LRP1B: variants seen among roughly 807,000 people sequenced by gnomAD.
LRP1B encodes LDL receptor related protein 1B.
In LRP1B, 217 loss-of-function variants were observed where a neutral mutation model predicts 556.6. The ratio of observed to expected loss-of-function variants is 0.39; its 90% CI spans 0.35 to 0.44. The LOEUF (loss-of-function observed/expected upper bound fraction) is 0.44. Ranked by LOEUF, LRP1B falls within the 20% of genes least tolerant of loss-of-function variation. The probability of loss-of-function intolerance (pLI) is 1.00; values close to 1 mark genes in which losing one functional copy is unlikely to be tolerated. For missense variants in LRP1B, 5,053 were observed against 5,620.8 expected, an observed-to-expected ratio of 0.90 and a Z score of 3.23; for synonymous variants, 2,047 against 1,865.8, an observed-to-expected ratio of 1.10 and a Z score of -2.50.
At chr2:142,108,808 T>G (rs1324266192) in intron 1 of LRP1B, among the ~76,000 whole-genome samples, 1 of 152,200 alleles carries the variant, frequency 6.6e-6, no homozygotes, top group East Asian at 1.9e-4. Flanking sequence ...GATTATCTTA[T>G]ATAAGACACA....
At chr2:142,015,079 T>C (rs1269373641) in intron 1 of LRP1B, among the ~76,000 whole-genome samples, 3 of 152,166 alleles carry the variant, frequency 2.0e-5, no homozygotes, top group Admixed American at 6.5e-5. Flanking sequence ...TTCCTTATGG[T>C]AAAATGAAAA....
chr2:140,607,208 T>G (rs963563542), intron 41 of LRP1B, among the ~76,000 whole-genome samples: 1 of 152,084 alleles, frequency 6.6e-6, no homozygotes, highest in Admixed American at 6.6e-5. Flanking sequence ...CTATTAGACA[T>G]CAAAGTACTG....
At chr2:141,189,944 G>GAAAGA (rs1383583949) in intron 6 of LRP1B, among the ~76,000 whole-genome samples, 6 of 151,904 alleles carry the variant, frequency 3.9e-5, no homozygotes, top group African/African-American at 1.5e-4. Flanking sequence ...AAGAAAGAAA[G>GAAAGA]AAAGAAAAGG....
At chr2:140,307,783 T>G (rs1051744861) in intron 83 of LRP1B, among the ~76,000 whole-genome samples, 4 of 151,736 alleles carry the variant, frequency 2.6e-5, no homozygotes, top group African/African-American at 9.7e-5. Context: ...TAATAAGTAA[T>G]GTATTAGAGC....
At position 140,684,870 on chromosome 2, in the gene LRP1B, A is replaced by G. The variant is rs528041602; in HGVS notation, c.6799+15380T>C. Among the ~76,000 whole-genome samples the G allele has an allele frequency of 2.6e-5, 4 of 152,274 alleles. No individual in the cohort carries two copies. The South Asian group carries it at 8.3e-4, about 32-fold the overall frequency. On this transcript the variant is annotated intron_variant, in intron 41 of 90. Coordinates refer to ENST00000389484, the MANE Select transcript of LRP1B (RefSeq NM_018557.3). ...GACAGAGAAGTGTTTGGATCTTTGG[A>G]AAATCAAATGCTTCTAACAATAGGA...
intron 59 of LRP1B, among the ~76,000 whole-genome samples, chr2:140,482,407 A>G (rs1372696284): frequency 6.6e-6 from 1 of 152,198 alleles, no homozygotes; most frequent in East Asian, 1.9e-4. Context: ...GAGTTTTAAC[A>G]TATTTACATT....
chr2:141,075,925 ATTTTGATG>A (rs933576695), intron 7 of LRP1B, among the ~76,000 whole-genome samples: 8 of 152,204 alleles, frequency 5.3e-5, no homozygotes, highest in African/African-American at 1.9e-4. Flanking sequence ...TACACATCTC[ATTTTGATG>A]TTGGAACACA....
intron 17 of LRP1B, among the ~76,000 whole-genome samples, chr2:140,989,300 T>C (rs72991755): frequency 0.078 from 11,878 of 152,056 alleles, 681 homozygotes; most frequent in African/African-American, 0.15. Context: ...AGTCAACCCA[T>C]ATGGATAGAT....
intron 15 of LRP1B, among the ~76,000 whole-genome samples, chr2:140,995,467 TAAC>T (rs1265205405): frequency 2.6e-5 from 4 of 152,052 alleles, no homozygotes; most frequent in Admixed American, 2.6e-4. Flanking sequence ...ACAACAACAT[TAAC>T]AACAATAACA....
intron 1 of LRP1B, among the ~76,000 whole-genome samples, chr2:141,881,845 AT>A (rs1698967986): frequency 6.6e-6 from 1 of 152,130 alleles, no homozygotes; most frequent in Non-Finnish European, 1.5e-5. Context: ...AAGAATGTCA[AT>A]ATTGAATATC....
At chr2:141,579,583 G>A (rs1260962313) in intron 2 of LRP1B, among the ~76,000 whole-genome samples, 4 of 151,994 alleles carry the variant, frequency 2.6e-5, no homozygotes, top group African/African-American at 9.7e-5. Context: ...TGGAAGGTGA[G>A]CAGAATAGAC....
intron 3 of LRP1B, among the ~76,000 whole-genome samples, chr2:141,445,406 T>C (rs921269378): frequency 2.0e-5 from 3 of 152,242 alleles, no homozygotes; most frequent in Non-Finnish European, 4.4e-5. Flanking sequence ...GAAGGGTTTT[T>C]TGTGTCTCTA....
chr2:141,268,661 G>A (rs534369834), intron 3 of LRP1B, among the ~76,000 whole-genome samples: 1 of 152,128 alleles, frequency 6.6e-6, no homozygotes, highest in East Asian at 1.9e-4. Context: ...GAATGCGGTG[G>A]GAACATAAAC....
chr2:140,484,651 C>A (rs138378680), intron 59 of LRP1B, among the ~76,000 whole-genome samples: 5 of 152,214 alleles, frequency 3.3e-5, no homozygotes, highest in African/African-American at 1.2e-4. Context: ...CTCTACTGAG[C>A]AAAACAACAT....
At chr2:141,090,789 T>G (rs1321549844) in intron 7 of LRP1B, among the ~76,000 whole-genome samples, 1 of 152,160 alleles carries the variant, frequency 6.6e-6, no homozygotes, top group Admixed American at 6.5e-5. Context: ...TTCATTCAGT[T>G]TTTATTAGTA....
chr2:141,307,145 C>CT (rs372612488), intron 3 of LRP1B, among the ~76,000 whole-genome samples: 1,530 of 148,216 alleles, frequency 0.01, 21 homozygotes, highest in East Asian at 0.04. Flanking sequence ...AGTTTAAATC[C>CT]TTTTTTTTTT....
At chr2:141,967,544 G>T (rs950030319) in intron 1 of LRP1B, among the ~76,000 whole-genome samples, 3 of 151,758 alleles carry the variant, frequency 2.0e-5, no homozygotes, top group Admixed American at 6.6e-5. Context: ...TATACACACA[G>T]ATATTTCCAT....
At chr2:141,160,319 TG>T (rs546711814) in intron 7 of LRP1B, among the ~76,000 whole-genome samples, 76 of 152,284 alleles carry the variant, frequency 5.0e-4, no homozygotes, top group Admixed American at 2.5e-3. Flanking sequence ...CTGGTGAAAC[TG>T]TACAGCCTCA....
intron 1 of LRP1B, among the ~76,000 whole-genome samples, chr2:141,982,590 A>C (rs552763804): frequency 6.6e-6 from 1 of 152,286 alleles, no homozygotes; most frequent in South Asian, 2.1e-4. Flanking sequence ...GGCTATTATG[A>C]TCTTTTTACA....
Sources: allele counts gnomAD v4.1 joint callset (sites outside exome capture counted in the v4.1 genomes callset), GRCh38; gene constraint gnomAD v4.1.1; transcripts MANE v1.5; gene names NCBI Gene and HGNC (gene_info 2026-07-23, HGNC 2026-07-21).